Variants in ST8SIA1 observed in about 807,000 individuals in gnomAD.
ST8SIA1 encodes the protein alpha-N-acetylneuraminide alpha-2,8-sialyltransferase.
A neutral mutation model predicts 35.9 loss-of-function variants in ST8SIA1; 16 were observed. That is an observed-to-expected ratio of 0.45 (90% CI 0.30 to 0.68). The LOEUF is 0.68. Among genes scored for constraint, ST8SIA1 ranks in the 30% least tolerant of loss-of-function variants. ST8SIA1 has a pLI of 0.09. For synonymous variants in ST8SIA1, 170 were observed against 169.6 expected, an observed-to-expected ratio of 1.00 and a Z score of -0.02; for missense variants, 383 against 453.6, an observed-to-expected ratio of 0.84 and a Z score of 1.41.
chr12:22,304,334 C>CTTTTTTTTTTTTTTT (rs3063802), intron 1 of ST8SIA1, among the ~76,000 whole-genome samples: 1 of 106,248 alleles, frequency 9.4e-6, no homozygotes, highest in African/African-American at 3.7e-5. Context: ...TTTTCTTTTT[C>CTTTTTTTTTTTTTTT]TTTTTTTTTT....
chr12:22,199,507 A>G lies in ST8SIA1; in HGVS notation c.*2045T>C, dbSNP rs1005070458. 4 of 152,194 alleles carry G rather than the reference A, an allele frequency of 2.6e-5. No homozygotes were observed. Among genetic ancestry groups the G allele is most frequent in the Non-Finnish European group, 5.9e-5 (4 of 68,032 alleles). The allele number at this position is 152,194 out of a possible 1,614,324, so 9.4% of individuals were successfully genotyped here. A position where few individuals can be genotyped will look rare whatever the true frequency, so the allele number is the denominator to read the frequency against. ...AAGTTTCACTCAAAGTGAATATTTA[A>G]CACAATTTCTTCATGGTACATTCTC... On this transcript the variant is annotated 3_prime_UTR_variant, in exon 5 of 5. Coordinates refer to ENST00000396037, the MANE Select transcript of ST8SIA1 (RefSeq NM_003034.4).
chr12:22,204,413 T>C (rs1420768545), intron 4 of ST8SIA1, among the ~76,000 whole-genome samples: 1 of 152,194 alleles, frequency 6.6e-6, no homozygotes, highest in African/African-American at 2.4e-5. Context: ...CAGTGCTACA[T>C]TCTCATTCTG....
chr12:22,266,502 A>AATATAT (rs34168353), intron 2 of ST8SIA1, among the ~76,000 whole-genome samples: 1 of 150,156 alleles, frequency 6.7e-6, no homozygotes, highest in Non-Finnish European at 1.5e-5. Context: ...TTAAAAAAAA[A>AATATAT]ATATATATAT....
At chr12:22,293,529 T>C (rs1866205851) in intron 1 of ST8SIA1, among the ~76,000 whole-genome samples, 1 of 152,234 alleles carries the variant, frequency 6.6e-6, no homozygotes, top group Admixed American at 6.5e-5. Context: ...TCTTTTAGAC[T>C]ACAATATTGT....
chr12:22,286,558 G>A (rs780119999), intron 2 of ST8SIA1: 1 of 516,032 alleles, frequency 1.9e-6, no homozygotes, highest in East Asian at 5.5e-5. Context: ...CCCCCCTCTT[G>A]CTGCCTACAT....
chr12:22,237,710 C>A (rs1865491741), intron 4 of ST8SIA1, among the ~76,000 whole-genome samples: 1 of 150,854 alleles, frequency 6.6e-6, no homozygotes, highest in South Asian at 2.1e-4. Context: ...TTCTCATTAT[C>A]CATTTATTAT....
intron 1 of ST8SIA1, among the ~76,000 whole-genome samples, chr12:22,327,549 T>C (rs1866697636): frequency 6.6e-6 from 1 of 152,110 alleles, no homozygotes; most frequent in East Asian, 1.9e-4. Flanking sequence ...TTCCAGAGTC[T>C]AGAAAGATCC....
In ST8SIA1 at chr12:22,325,010, T is replaced by C. The variant is rs142212177; in HGVS notation, c.236+8987A>G. ...AATTAAATATACAAAATACATACAATTTAGTAATACACACAAACAAACATA... is the reference window on the plus strand; with the variant it reads ...AATTAAATATACAAAATACATACAACTTAGTAATACACACAAACAAACATA... On this transcript the variant is annotated intron_variant, in intron 1 of 4. Coordinates refer to ENST00000396037, the MANE Select transcript of ST8SIA1 (RefSeq NM_003034.4). The C allele has an allele frequency of 6.2e-4, 96 of 154,376 alleles. 3 individuals are homozygous for C. In the East Asian group the frequency reaches 0.017, roughly 27 times the overall value. 9.6% of individuals were successfully genotyped at this position (154,376 alleles called of 1,614,324 possible). A position where few individuals can be genotyped will look rare whatever the true frequency, so the allele number is the denominator to read the frequency against.
chr12:22,275,819 G>A (rs16924858), intron 2 of ST8SIA1, among the ~76,000 whole-genome samples: 14,101 of 152,236 alleles, frequency 0.093, 799 homozygotes, highest in East Asian at 0.15. Context: ...CTGATCAGTA[G>A]CAAGGCTTGG....
intron 1 of ST8SIA1, among the ~76,000 whole-genome samples, chr12:22,329,792 C>T (rs1866735633): frequency 6.6e-6 from 1 of 152,176 alleles, no homozygotes; most frequent in Non-Finnish European, 1.5e-5. Context: ...GACTTGACTG[C>T]TTAGAGTAAC....
At chr12:22,297,827 T>C (rs1209218234) in intron 1 of ST8SIA1, among the ~76,000 whole-genome samples, 1 of 152,106 alleles carries the variant, frequency 6.6e-6, no homozygotes, top group African/African-American at 2.4e-5. Flanking sequence ...TGATGTCTTT[T>C]TGTATGCTAA....
intron 4 of ST8SIA1, chr12:22,223,755 C>T: frequency 8.0e-7 from 1 of 1,253,702 alleles, no homozygotes; most frequent in Non-Finnish European, 1.0e-6. Context: ...TCTTCACCCT[C>T]TCGACAGCTG....
intron 1 of ST8SIA1, among the ~76,000 whole-genome samples, chr12:22,297,841 G>A (rs190588656): frequency 1.3e-5 from 2 of 152,226 alleles, no homozygotes; most frequent in Admixed American, 1.3e-4. Flanking sequence ...ATGCTAATGA[G>A]TTGACTGGTG....
chr12:22,259,321 A>G (rs1371077360), intron 2 of ST8SIA1, among the ~76,000 whole-genome samples: 1 of 152,152 alleles, frequency 6.6e-6, no homozygotes, highest in Non-Finnish European at 1.5e-5. Flanking sequence ...TTGACTTTTT[A>G]TTGACAAGCA....
rs1279803918 is a variant in ST8SIA1, at chr12:22,195,757, G to A, written c.*5795C>T. The A allele has an allele frequency of 6.6e-6, 1 of 152,102 alleles. No individual in the cohort carries two copies. Among genetic ancestry groups the A allele is most frequent in the Non-Finnish European group, 1.5e-5 (1 of 68,026 alleles). The allele number at this position is 152,102 out of a possible 1,614,324, so 9.4% of individuals were successfully genotyped here. On this transcript the variant is annotated 3_prime_UTR_variant, in exon 5 of 5. Transcript: ENST00000396037. ...AATCATCTTTTCAAATTAAAACCAA[G>A]ATTTTGTCTCTCTTTTTTTCAGTTT...
intron 3 of ST8SIA1, among the ~76,000 whole-genome samples, chr12:22,249,401 T>C (rs907461379): frequency 2.6e-5 from 4 of 152,052 alleles, no homozygotes; most frequent in Non-Finnish European, 5.9e-5. Flanking sequence ...TTTGTATTTT[T>C]AGTAGAGACG....
chr12:22,207,637 T>A (rs1249486316), intron 4 of ST8SIA1, among the ~76,000 whole-genome samples: 1 of 152,136 alleles, frequency 6.6e-6, no homozygotes, highest in Non-Finnish European at 1.5e-5. Flanking sequence ...AACAGAAATT[T>A]AATGTTTAAA....
At chr12:22,224,183 C>T (rs1021710025) in intron 4 of ST8SIA1, among the ~76,000 whole-genome samples, 2 of 152,038 alleles carry the variant, frequency 1.3e-5, no homozygotes, top group East Asian at 3.8e-4. Context: ...TGACTGAATA[C>T]TTATTTTACA....
At chr12:22,205,060 C>T (rs1398067839) in intron 4 of ST8SIA1, among the ~76,000 whole-genome samples, 2 of 152,224 alleles carry the variant, frequency 1.3e-5, no homozygotes, top group Admixed American at 1.3e-4. Flanking sequence ...AGTCATTGCC[C>T]TGGTGAAGTT....
Sources: gnomAD v4.1 joint callset for allele counts (sites outside exome capture counted in the v4.1 genomes callset) on GRCh38, gnomAD v4.1.1 for gene constraint, MANE v1.5 for transcripts, NCBI Gene and HGNC (gene_info 2026-07-23, HGNC 2026-07-21) for gene names.